The following INPP4B variants were observed in gnomAD, a reference collection of about 807,000 sequenced individuals.
INPP4B encodes inositol polyphosphate 4-phosphatase type II.
INPP4B carries 55 observed loss-of-function variants against 122.5 expected under a neutral mutation model. The observed-to-expected ratio is 0.45, with a 90% CI of 0.36 to 0.56. The LOEUF is 0.56. Among genes scored for constraint, INPP4B ranks in the 20% least tolerant of loss-of-function variants. The probability of loss-of-function intolerance (pLI) is 0.00; values close to 1 mark genes in which losing one functional copy is unlikely to be tolerated. For missense variants in INPP4B, 1,000 were observed against 1,097.7 expected, an observed-to-expected ratio of 0.91 and a Z score of 1.26; for synonymous variants, 403 against 388.7, an observed-to-expected ratio of 1.04 and a Z score of -0.43.
chr4:142,229,065 A>G (rs1268069618), intron 12 of INPP4B, among the ~76,000 whole-genome samples: 5 of 151,868 alleles, frequency 3.3e-5, no homozygotes, highest in Admixed American at 3.3e-4. Context: ...CAGTAATTTC[A>G]CTTATTGTAT....
At chr4:142,400,054 A>G (rs1460990795) in intron 7 of INPP4B, among the ~76,000 whole-genome samples, 1 of 152,264 alleles carries the variant, frequency 6.6e-6, no homozygotes, top group Non-Finnish European at 1.5e-5. Context: ...AGAGGAGCAC[A>G]AGAACAACTA....
intron 2 of INPP4B, among the ~76,000 whole-genome samples, chr4:142,466,835 C>T (rs1444549577): frequency 6.6e-6 from 1 of 152,194 alleles, no homozygotes; most frequent in African/African-American, 2.4e-5. Flanking sequence ...TTGCTTTCCA[C>T]ATCCTGGCCA....
At chr4:142,388,125 T>C (rs1796534599) in intron 7 of INPP4B, among the ~76,000 whole-genome samples, 1 of 152,222 alleles carries the variant, frequency 6.6e-6, no homozygotes, top group Non-Finnish European at 1.5e-5. Flanking sequence ...AAAAACTGCT[T>C]ACCACCACTT....
chr4:142,026,080 A>G lies in INPP4B; in HGVS notation c.*2702T>C, dbSNP rs1311412513. The stretch of plus-strand genomic sequence containing the variant: ...TTTTGAGCAAAAAAAGAGTTTGGAA[A>G]TGTCATTTGCTCAGTTCATTTTTTG... On this transcript the variant is annotated 3_prime_UTR_variant, in exon 26 of 26. Coordinates refer to ENST00000262992, the MANE Select transcript of INPP4B (RefSeq NM_001101669.3). 1 of 152,196 alleles carries G rather than the reference A, an allele frequency of 6.6e-6. No individual in the cohort carries two copies. The highest frequency in any genetic ancestry group is 1.5e-5 in the Non-Finnish European group (1 of 68,034). The allele number at this position is 152,196 out of a possible 1,614,324, so 9.4% of individuals were successfully genotyped here. A position where few individuals can be genotyped will look rare whatever the true frequency, so the allele number is the denominator to read the frequency against.
At chr4:142,222,890 T>C (rs945672501) in intron 12 of INPP4B, among the ~76,000 whole-genome samples, 1 of 152,306 alleles carries the variant, frequency 6.6e-6, no homozygotes, top group Non-Finnish European at 1.5e-5. Flanking sequence ...TCAGCTGAAA[T>C]GCAAAAGAAC....
Position 142,764,838 on chromosome 4 carries a change from G to T in INPP4B, c.-253-38937C>A, listed in dbSNP as rs567930369. Among the ~76,000 whole-genome samples the T allele has an allele frequency of 6.6e-5, 10 of 152,048 alleles. No individual in the cohort carries two copies. In the South Asian group the frequency reaches 2.1e-3, roughly 32 times the overall value. On this transcript the variant is annotated intron_variant, in intron 1 of 25. Coordinates refer to ENST00000262992, the MANE Select transcript of INPP4B (RefSeq NM_001101669.3). Reference sequence around the variant, plus strand: ...CACATGCTAGAACACGGAGGTTAAGGCTAGACCATCGAGGCCCTTAAATAT... The same window carrying T: ...CACATGCTAGAACACGGAGGTTAAGTCTAGACCATCGAGGCCCTTAAATAT...
chr4:142,638,546 CTTT>C (rs3080813), intron 2 of INPP4B, among the ~76,000 whole-genome samples: 3 of 134,308 alleles, frequency 2.2e-5, no homozygotes, highest in Non-Finnish European at 3.1e-5. Context: ...TGTCTATTCT[CTTT>C]TTTTTTTTTT....
intron 2 of INPP4B, among the ~76,000 whole-genome samples, chr4:142,642,315 T>C (rs889442797): frequency 1.3e-5 from 2 of 152,232 alleles, no homozygotes; most frequent in African/African-American, 2.4e-5. Context: ...CCATTGCTTT[T>C]GGTGTTTTAG....
intron 7 of INPP4B, among the ~76,000 whole-genome samples, chr4:142,363,304 C>T (rs1367081723): frequency 6.6e-6 from 1 of 151,484 alleles, no homozygotes; most frequent in Non-Finnish European, 1.5e-5. Context: ...TCCAGTTATG[C>T]CATGCAATTA....
chr4:142,215,892 CAAAAAAAAAAAAAAAAAAAAAAAAAA>C lies in INPP4B; in HGVS notation c.837-6892_837-6867del, dbSNP rs200657873. Reference sequence around the variant, plus strand: ...TGGGCAACAGACCAAGACTCTGTCTCAAAAAAAAAAAAAAAAAAAAAAAAAAAAAAAAAAAAAAAAAGAAGGAATCT... The same window carrying C: ...TGGGCAACAGACCAAGACTCTGTCTCAAAAAAAAAAAAAAAGAAGGAATCT... On this transcript the variant is annotated intron_variant, in intron 12 of 25. Coordinates refer to ENST00000262992, the MANE Select transcript of INPP4B (RefSeq NM_001101669.3). 8.1e-4 allele frequency among the ~76,000 whole-genome samples: 44 copies of C among 54,580 alleles called. No individual in the cohort carries two copies. In the South Asian group the frequency reaches 9.7e-3, roughly 12 times the overall value. The allele number at this position is 54,580 out of a possible 152,430, so 35.8% of individuals were successfully genotyped here. A position where few individuals can be genotyped will look rare whatever the true frequency, so the allele number is the denominator to read the frequency against.
At chr4:142,694,997 G>A (rs1229562302) in intron 2 of INPP4B, among the ~76,000 whole-genome samples, 8 of 152,054 alleles carry the variant, frequency 5.3e-5, no homozygotes, top group African/African-American at 1.7e-4. Flanking sequence ...GTGGGGGTAG[G>A]GGTATTATTC....
chr4:142,598,708 C>T (rs535854180), intron 2 of INPP4B, among the ~76,000 whole-genome samples: 1 of 152,338 alleles, frequency 6.6e-6, no homozygotes, highest in East Asian at 1.9e-4. Flanking sequence ...CAAGCAACCC[C>T]AACCTCAGCA....
chr4:142,797,429 G>T (rs1017460252), intron 1 of INPP4B, among the ~76,000 whole-genome samples: 1 of 151,848 alleles, frequency 6.6e-6, no homozygotes, highest in Non-Finnish European at 1.5e-5. Flanking sequence ...TAAAGTCAAA[G>T]AATTTTCCTG....
chr4:142,753,580 T>C (rs1300448704), intron 1 of INPP4B, among the ~76,000 whole-genome samples: 2 of 152,074 alleles, frequency 1.3e-5, no homozygotes, highest in African/African-American at 4.8e-5. Flanking sequence ...TAAGGCTTAC[T>C]GCGATCTAGG....
chr4:142,344,439 T>A (rs1413254285), intron 7 of INPP4B, among the ~76,000 whole-genome samples: 1 of 152,104 alleles, frequency 6.6e-6, no homozygotes, highest in East Asian at 1.9e-4. Context: ...TTTTCCTTTT[T>A]CCACCATGCC....
intron 3 of INPP4B, among the ~76,000 whole-genome samples, chr4:142,441,425 A>G (rs1157779870): frequency 6.6e-6 from 1 of 152,164 alleles, no homozygotes; most frequent in Non-Finnish European, 1.5e-5. Context: ...CCACTAACCT[A>G]TCAGGAGAGA....
At chr4:142,363,139 G>A (rs1460583370) in intron 7 of INPP4B, among the ~76,000 whole-genome samples, 1 of 152,014 alleles carries the variant, frequency 6.6e-6, no homozygotes. Flanking sequence ...CAGAGTTAGA[G>A]CTAAGAATCA....
intron 7 of INPP4B, among the ~76,000 whole-genome samples, chr4:142,319,343 T>A (rs1365912848): frequency 6.6e-6 from 1 of 152,194 alleles, no homozygotes; most frequent in East Asian, 1.9e-4. Context: ...TGATAATGAA[T>A]GTGTCTCATT....
rs1174314529 is a variant in INPP4B at position 142,026,661 on chromosome 4, T to TC, written c.*2120_*2121insG. ...TTTGTATCTTTAGTAGAGATGGGGT[T>TC]TCACCATGTTGGCCAGGCTGATCTC... On this transcript the variant is annotated 3_prime_UTR_variant, in exon 26 of 26. Coordinates refer to ENST00000262992, the MANE Select transcript of INPP4B (RefSeq NM_001101669.3). The TC allele has an allele frequency of 1.3e-5, 2 of 152,190 alleles. No individual in the cohort carries two copies. Among genetic ancestry groups the TC allele is most frequent in the Non-Finnish European group, 2.9e-5 (2 of 68,046 alleles). 9.4% of individuals were successfully genotyped at this position (152,190 alleles called of 1,614,324 possible).
Sources: gnomAD v4.1 joint callset for allele counts (sites outside exome capture counted in the v4.1 genomes callset) on GRCh38, gnomAD v4.1.1 for gene constraint, MANE v1.5 for transcripts, NCBI Gene and HGNC (gene_info 2026-07-23, HGNC 2026-07-21) for gene names.